EIF3B: variants seen among roughly 807,000 people sequenced by gnomAD.
EIF3B encodes eukaryotic translation initiation factor 3 subunit B, also known as eukaryotic translation initiation factor 3 subunit 9.
In EIF3B, 10 loss-of-function variants were observed where a neutral mutation model predicts 104.6. The observed-to-expected ratio is 0.10, with a 90% CI of 0.06 to 0.16. The LOEUF is 0.16. Ranked by LOEUF, EIF3B falls within the 10% of genes least tolerant of loss-of-function variation. The probability of loss-of-function intolerance (pLI) is 1.00; values close to 1 mark genes in which losing one functional copy is unlikely to be tolerated. For synonymous variants in EIF3B, 542 were observed against 417.2 expected, an observed-to-expected ratio of 1.30 and a Z score of -3.65; for missense variants, 1,014 against 1,087.9, an observed-to-expected ratio of 0.93 and a Z score of 0.96.
chr7:2,355,008 G>T lies in EIF3B; in HGVS notation c.87G>T (p.Pro29=). 1.7e-6 allele frequency: 2 copies of T among 1,183,254 alleles called. No individual in the cohort carries two copies. Among genetic ancestry groups the T allele is most frequent in the Non-Finnish European group, 2.1e-6 (2 of 959,964 alleles). 73.3% of individuals were successfully genotyped at this position (1,183,254 alleles called of 1,614,324 possible). A position where few individuals can be genotyped will look rare whatever the true frequency, so the allele number is the denominator to read the frequency against. Residue 29 remains proline, a synonymous_variant, in exon 1 of 19, where the codon CCG becomes CCT. Coordinates refer to ENST00000360876, the MANE Select transcript of EIF3B (RefSeq NM_001037283.2). ...AGCAGCAGCCGGCCGCCGAGCCGCC[G>T]CCAGCCGAGGGGCTGCTGCGGCCCG... is the stretch of plus-strand genomic sequence containing the variant. ...PGQQQPAAEP[P]PAEGLLRPAG...
Position 2,376,868 on chromosome 7 carries a change from G to A in EIF3B, c.2029-82G>A, listed in dbSNP as rs562340093. On this transcript the variant is annotated intron_variant, in intron 14 of 18. Transcript: ENST00000360876. Reference sequence around the variant, plus strand: ...GCTTCACACGTGTCCCCGATACCCAGGACCTTGTTCAGCAAGTGACATAGT... The same window carrying A: ...GCTTCACACGTGTCCCCGATACCCAAGACCTTGTTCAGCAAGTGACATAGT... 30 of 1,548,346 alleles carry A rather than the reference G, an allele frequency of 1.9e-5. No individual in the cohort carries two copies. The African/African-American group carries it at 3.1e-4, about 16-fold the overall frequency.
upstream of EIF3B, chr7:2,354,810 C>A: frequency 3.0e-6 from 3 of 1,002,206 alleles, no homozygotes; most frequent in Non-Finnish European, 3.6e-6. Context: ...TTGGTGCGGC[C>A]TCCCCGTCGC....
chr7:2,370,681 G>T (rs987086891), intron 10 of EIF3B, among the ~76,000 whole-genome samples: 6 of 152,070 alleles, frequency 3.9e-5, no homozygotes, highest in African/African-American at 1.4e-4. Flanking sequence ...GGCTGGGTGC[G>T]GTGGCTCCCC....
chr7:2,363,496 G>A (rs914754841), intron 4 of EIF3B, 136 bp from the exon 5 acceptor site: 51 of 778,492 alleles, frequency 6.6e-5, no homozygotes, highest in Non-Finnish European at 9.2e-5. Context: ...GCTAGACGGT[G>A]TCTTGACTTG....
rs146798724 is a variant in EIF3B, at chr7:2,363,728, G to A, written c.967G>A (p.Val323Ile). ...GDRTSIFWND[V>I]KDPVSIEERA... ...CCGCACTTCCATATTCTGGAATGAC[G>A]TAAAAGACCCTGTCTCAATTGAAGA... is the stretch of plus-strand genomic sequence containing the variant. The change falls in exon 5 of 19, where the codon GTA becomes ATA. Residue 323 changes from valine (V) to isoleucine (I), a missense_variant. Val to Ile is a conservative substitution (Grantham distance 29). Coordinates refer to ENST00000360876, the MANE Select transcript of EIF3B (RefSeq NM_001037283.2). The A allele has an allele frequency of 5.0e-6, 8 of 1,613,914 alleles. 1 individual carries two copies. Among genetic ancestry groups the A allele is most frequent in the Middle Eastern group, 3.3e-4 (2 of 6,082 alleles).
At chr7:2,369,997 G>A (rs1464441349) in intron 10 of EIF3B, among the ~76,000 whole-genome samples, 1 of 151,896 alleles carries the variant, frequency 6.6e-6, no homozygotes, top group Non-Finnish European at 1.5e-5. Context: ...GGCTGGTCTT[G>A]AACTCCTGAC....
At chr7:2,374,628 C>T in intron 13 of EIF3B, 22 bp downstream of exon 13, 2 of 1,609,666 alleles carry the variant, frequency 1.2e-6, no homozygotes, top group Non-Finnish European at 8.5e-7. Flanking sequence ...CGCTCTGAGC[C>T]TGTCCGCCCT....
chr7:2,376,790 C>A, intron 14 of EIF3B, 160 bp from the exon 15 acceptor site: 1 of 1,050,438 alleles, frequency 9.5e-7, no homozygotes. Flanking sequence ...AGGTGTCTTG[C>A]ATTGACTGCC....
chr7:2,367,642 GTA>G lies in EIF3B; in HGVS notation c.1403+599_1403+600del, dbSNP rs562598851. On this transcript the variant is annotated intron_variant, in intron 9 of 18. Transcript: ENST00000360876. The stretch of plus-strand genomic sequence containing the variant: ...GTGCCACCAAGCCCGGCTAATTTTT[GTA>G]TTTTTAGTAGGGATGGGGTTTCACC... Among the ~76,000 whole-genome samples the G allele has an allele frequency of 3.3e-3, 495 of 151,554 alleles. 3 individuals are homozygous for G. Among genetic ancestry groups the G allele is most frequent in the African/African-American group, 0.012 (489 of 41,244 alleles).
Position 2,379,404 on chromosome 7 carries a change from T to C in EIF3B, c.2352T>C (p.Thr784=). ...ERLELRGGVD[T]DELDSNVDDW... is the part of the protein sequence containing the mutation. Reference sequence around the variant, plus strand: ...CCTTTGTCCCCTCAGGGGTGGACACTGACGAGCTGGACAGCAACGTGGACG... The same window carrying C: ...CCTTTGTCCCCTCAGGGGTGGACACCGACGAGCTGGACAGCAACGTGGACG... The change falls in exon 18 of 19, where the codon ACT becomes ACC. Residue 784 remains threonine, a synonymous_variant. Transcript: ENST00000360876. 6.3e-7 allele frequency: 1 copy of C among 1,590,056 alleles called. No homozygotes were observed. Among genetic ancestry groups the C allele is most frequent in the Non-Finnish European group, 8.6e-7 (1 of 1,167,884 alleles).
At chr7:2,360,167 TTCAC>T (rs1281210811) in intron 1 of EIF3B, among the ~76,000 whole-genome samples, 2 of 152,208 alleles carry the variant, frequency 1.3e-5, no homozygotes, top group Non-Finnish European at 2.9e-5. Context: ...TTCATCCCAG[TTCAC>T]TCGAGAGAGG....
intron 1 of EIF3B, among the ~76,000 whole-genome samples, chr7:2,356,675 C>T (rs1332796478): frequency 3.3e-5 from 5 of 151,834 alleles, no homozygotes; most frequent in Admixed American, 6.6e-5. Context: ...TGGTGCACAC[C>T]TGTAGTCTCA....
At chr7:2,356,276 A>G (rs1209790598) in intron 1 of EIF3B, among the ~76,000 whole-genome samples, 1 of 152,194 alleles carries the variant, frequency 6.6e-6, no homozygotes, top group East Asian at 1.9e-4. Context: ...AATTTCGGGA[A>G]TAACATGGAG....
At chr7:2,364,332 C>A in intron 5 of EIF3B, 40 bp from the exon 6 acceptor site, 1 of 1,530,822 alleles carries the variant, frequency 6.5e-7, no homozygotes, top group Non-Finnish European at 8.8e-7. Context: ...TTGTGTTTGC[C>A]ATTTTGTTGT....
intron 10 of EIF3B, among the ~76,000 whole-genome samples, chr7:2,370,243 G>C (rs776779109): frequency 6.6e-6 from 1 of 152,062 alleles, no homozygotes; most frequent in East Asian, 1.9e-4. Flanking sequence ...TTGGGAGGCC[G>C]AGGTGGGCGG....
chr7:2,379,751 G>A (rs1261585988), intron 18 of EIF3B: 1 of 504,514 alleles, frequency 2.0e-6, no homozygotes, highest in Non-Finnish European at 3.6e-6. Flanking sequence ...TGAGGGAGGA[G>A]CTGTGGCCAG....
chr7:2,380,416 C>T lies in EIF3B; in HGVS notation c.*227C>T, dbSNP rs776718810. The stretch of plus-strand genomic sequence containing the variant: ...GCGACACATTTTTGTGCCTTTCAGC[C>T]CCTGGTGTCTGCAGTGGGGGATTTA... On this transcript the variant is annotated 3_prime_UTR_variant, in exon 19 of 19. Transcript: ENST00000360876. 3.9e-5 allele frequency: 20 copies of T among 518,518 alleles called. No individual in the cohort carries two copies. The East Asian group carries it at 1.0e-3, about 27-fold the overall frequency. The allele number at this position is 518,518 out of a possible 1,614,324, so 32.1% of individuals were successfully genotyped here. A position where few individuals can be genotyped will look rare whatever the true frequency, so the allele number is the denominator to read the frequency against.
chr7:2,379,603 CA>C, intron 18 of EIF3B, 92 bp downstream of exon 18: 2 of 829,528 alleles, frequency 2.4e-6, no homozygotes, highest in Non-Finnish European at 3.9e-6. Flanking sequence ...TCCTTTAAGG[CA>C]GGGGTGAAGG....
chr7:2,372,985 T>A (rs1346039905), intron 12 of EIF3B, 190 bp downstream of exon 12: 4 of 482,292 alleles, frequency 8.3e-6, no homozygotes, highest in Middle Eastern at 5.6e-4. Context: ...TTGCAGGGTG[T>A]CTCTCTGAGC....
Sources: allele counts gnomAD v4.1 joint callset (sites outside exome capture counted in the v4.1 genomes callset), GRCh38; gene constraint gnomAD v4.1.1; transcripts MANE v1.5; gene names NCBI Gene and HGNC (gene_info 2026-07-23, HGNC 2026-07-21).